Variants in WWC1 observed in about 807,000 individuals in gnomAD.
WWC1 encodes protein KIBRA.
In WWC1, 55 loss-of-function variants were observed where a neutral mutation model predicts 138.4. That is an observed-to-expected ratio of 0.40 (90% CI 0.32 to 0.50). WWC1 has a LOEUF of 0.50. Ranked by LOEUF, WWC1 falls within the 20% of genes least tolerant of loss-of-function variation. The pLI is 0.72. For synonymous variants in WWC1, 524 were observed against 564.9 expected, an observed-to-expected ratio of 0.93 and a Z score of 1.03; for missense variants, 1,226 against 1,420.4, an observed-to-expected ratio of 0.86 and a Z score of 2.20.
At chr5:168,421,927 G>C in intron 9 of WWC1, 81 bp from the exon 10 acceptor site, 2 of 1,206,260 alleles carry the variant, frequency 1.7e-6, no homozygotes, top group Non-Finnish European at 2.4e-6. Flanking sequence ...TCTTGTGCCT[G>C]TGGGTCTGGG....
chr5:168,465,162 C>T (rs1253528364), intron 21 of WWC1, among the ~76,000 whole-genome samples, 200 bp downstream of exon 21: 11 of 152,244 alleles, frequency 7.2e-5, no homozygotes, highest in African/African-American at 2.4e-4. Context: ...CTTTATGAAC[C>T]TTTCACCTGG....
At chr5:168,437,996 G>A (rs1411506160) in intron 15 of WWC1, among the ~76,000 whole-genome samples, 2 of 152,200 alleles carry the variant, frequency 1.3e-5, no homozygotes, top group East Asian at 3.8e-4. Flanking sequence ...ACAAATATTT[G>A]TATATATGTA....
At chr5:168,466,987 C>T (rs533768671) in intron 21 of WWC1, among the ~76,000 whole-genome samples, 175 of 152,170 alleles carry the variant, frequency 1.2e-3, no homozygotes, top group Non-Finnish European at 1.9e-3. Flanking sequence ...TTAGGCCGGA[C>T]GCGGTGGCTC....
intron 1 of WWC1, among the ~76,000 whole-genome samples, chr5:168,293,975 T>G (rs1172704173): frequency 6.6e-6 from 1 of 151,786 alleles, no homozygotes; most frequent in African/African-American, 2.4e-5. Flanking sequence ...ACCTTTTCTC[T>G]TGTCCTTTTC....
chr5:168,399,783 C>G (rs1779178315), intron 5 of WWC1, among the ~76,000 whole-genome samples: 1 of 152,166 alleles, frequency 6.6e-6, no homozygotes, highest in Admixed American at 6.5e-5. Flanking sequence ...TTTCAGACCA[C>G]AGAACACTCA....
chr5:168,431,469 GCTGGC>G (rs1323523849), intron 15 of WWC1, 25 bp downstream of exon 15: 1 of 1,358,440 alleles, frequency 7.4e-7, no homozygotes, highest in African/African-American at 1.8e-5. Context: ...TGGCTGGCTG[GCTGGC>G]TGGCTGGCTG....
chr5:168,439,698 G>A (rs922183534), intron 15 of WWC1, among the ~76,000 whole-genome samples: 28 of 152,070 alleles, frequency 1.8e-4, no homozygotes, highest in African/African-American at 5.6e-4. Flanking sequence ...TTTGTGGGTC[G>A]TTTTGTACTT....
intron 5 of WWC1, 46 bp from the exon 6 acceptor site, chr5:168,406,152 C>A: frequency 6.2e-7 from 1 of 1,607,220 alleles, no homozygotes; most frequent in Non-Finnish European, 8.5e-7. Flanking sequence ...GAGACCCTGT[C>A]CCTCACCCTA....
intron 11 of WWC1, among the ~76,000 whole-genome samples, chr5:168,426,256 A>G (rs1029494808): frequency 6.6e-6 from 1 of 152,182 alleles, no homozygotes; most frequent in Non-Finnish European, 1.5e-5. Context: ...GCAGGTGGCA[A>G]GCCTCAGAAA....
chr5:168,324,102 A>G (rs1772340018), intron 1 of WWC1, among the ~76,000 whole-genome samples: 1 of 152,252 alleles, frequency 6.6e-6, no homozygotes, highest in Non-Finnish European at 1.5e-5. Context: ...TGCTTAGAGA[A>G]AGTATCACTA....
intron 5 of WWC1, among the ~76,000 whole-genome samples, chr5:168,404,132 G>A (rs918950630): frequency 2.0e-5 from 3 of 152,092 alleles, no homozygotes; most frequent in African/African-American, 7.2e-5. Context: ...GTCTCATCCT[G>A]CAAGGGATTC....
At chr5:168,370,201 G>A (rs956246222) in intron 1 of WWC1, among the ~76,000 whole-genome samples, 14 of 152,084 alleles carry the variant, frequency 9.2e-5, no homozygotes, top group African/African-American at 2.4e-4. Context: ...GCTGGGCCCC[G>A]TTGCACAAAT....
chr5:168,414,303 A>G (rs771161647), intron 8 of WWC1, 45 bp from the exon 9 acceptor site: 2 of 1,601,244 alleles, frequency 1.2e-6, no homozygotes, highest in Admixed American at 3.4e-5. Flanking sequence ...CTGTTCCCTC[A>G]GTGCCATTAG....
rs140379171 is a variant in WWC1 at position 168,325,139 on chromosome 5, C to T, written c.119+32868C>T. On this transcript the variant is annotated intron_variant, in intron 1 of 22. Coordinates refer to ENST00000265293, the MANE Select transcript of WWC1 (RefSeq NM_015238.3). ...CTAACCTCCATGGCCTCATTCTGTG[C>T]ATAGCATTGAGACCACGTGTGTCCT... Among the ~76,000 whole-genome samples, 961 of 152,304 alleles carry T rather than the reference C, an allele frequency of 6.3e-3. 2 individuals carry two copies. Among genetic ancestry groups the T allele is most frequent in the Middle Eastern group, 0.017 (5 of 294 alleles).
At chr5:168,463,405 C>T (rs954270977) in intron 20 of WWC1, among the ~76,000 whole-genome samples, 1 of 152,174 alleles carries the variant, frequency 6.6e-6, no homozygotes, top group African/African-American at 2.4e-5. Context: ...AGAGGTCACT[C>T]TCAGGTTTTT....
At chr5:168,419,419 C>T (rs1582230732) in intron 9 of WWC1, among the ~76,000 whole-genome samples, 1 of 152,168 alleles carries the variant, frequency 6.6e-6, no homozygotes, top group East Asian at 1.9e-4. Context: ...ACATGGTGGG[C>T]ACTGTGCTGG....
chr5:168,444,565 A>G lies in WWC1; in HGVS notation c.2505A>G (p.Thr835=), dbSNP rs1175254838. Residue 835 remains threonine (T), a synonymous_variant, in exon 17 of 23, where the codon ACA becomes ACG. Coordinates refer to ENST00000265293, the MANE Select transcript of WWC1 (RefSeq NM_015238.3). ...LEKRQEGRSS[T]QTLEDSWRYE... ...AGAGGCAGGAGGGCAGGAGCAGCAC[A>G]CAGACACTGGAAGACAGCTGGTGAG... is the stretch of plus-strand genomic sequence containing the variant. 1 of 1,612,872 alleles carries G rather than the reference A, an allele frequency of 6.2e-7. No homozygotes were observed. Among genetic ancestry groups the G allele is most frequent in the East Asian group, 2.2e-5 (1 of 44,870 alleles).
chr5:168,437,796 C>G (rs1754369709), intron 15 of WWC1, among the ~76,000 whole-genome samples: 1 of 152,114 alleles, frequency 6.6e-6, no homozygotes, highest in South Asian at 2.1e-4. Context: ...AAGCTGTGAT[C>G]CTGGTCTTTT....
chr5:168,412,692 A>C (rs1780321138), intron 8 of WWC1, among the ~76,000 whole-genome samples: 1 of 152,208 alleles, frequency 6.6e-6, no homozygotes, highest in Non-Finnish European at 1.5e-5. Context: ...GCATCTGCAG[A>C]TTCAACCAAC....
Sources: allele counts gnomAD v4.1 joint callset (sites outside exome capture counted in the v4.1 genomes callset), GRCh38; gene constraint gnomAD v4.1.1; transcripts MANE v1.5; gene names NCBI Gene and HGNC (gene_info 2026-07-23, HGNC 2026-07-21).